Variants in GATA4 observed in about 807,000 individuals in gnomAD.
GATA4 encodes the protein transcription factor GATA-4.
A neutral mutation model predicts 37.9 loss-of-function variants in GATA4; 7 were observed. The observed-to-expected ratio is 0.18, with a 90% CI of 0.11 to 0.35. The LOEUF is 0.35. Ranked by LOEUF, GATA4 falls within the 10% of genes least tolerant of loss-of-function variation. The pLI, the probability that GATA4 is intolerant of heterozygous loss-of-function variation, is 1.00. For synonymous variants in GATA4, 372 were observed against 292.6 expected (o/e 1.27, Z -2.77); for missense variants, 647 against 653.0 (o/e 0.99, Z 0.10).
chr8:11,738,172 C>G (rs1399108899), intron 2 of GATA4, among the ~76,000 whole-genome samples: 2 of 136,846 alleles, frequency 1.5e-5, no homozygotes, highest in South Asian at 2.5e-4. Flanking sequence ...CAGAGCAAGA[C>G]TCTGTCTCAA....
intron 6 of GATA4, among the ~76,000 whole-genome samples, chr8:11,758,045 A>C (rs1255516903): frequency 6.6e-6 from 1 of 152,176 alleles, no homozygotes; most frequent in East Asian, 1.9e-4. Context: ...CAACCACAGT[A>C]TCCACAGGGC....
chr8:11,750,627 A>G (rs886919478), intron 4 of GATA4, among the ~76,000 whole-genome samples: 5 of 152,130 alleles, frequency 3.3e-5, no homozygotes, highest in African/African-American at 7.2e-5. Flanking sequence ...CATGTAAAAC[A>G]TCTTTGAAAT....
chr8:11,717,572 C>T (rs941483717), intron 2 of GATA4, among the ~76,000 whole-genome samples: 1 of 152,172 alleles, frequency 6.6e-6, no homozygotes, highest in Non-Finnish European at 1.5e-5. Context: ...TCCCCCTTTC[C>T]CCACACTTTG....
At chr8:11,696,883 C>G (rs918645524) in intron 1 of GATA4, among the ~76,000 whole-genome samples, 1 of 152,236 alleles carries the variant, frequency 6.6e-6, no homozygotes, top group Admixed American at 6.5e-5. Flanking sequence ...CCCACCAGCC[C>G]CTGAGCCTAC....
At chr8:11,705,638 G>A (rs187223226) in intron 1 of GATA4, among the ~76,000 whole-genome samples, 12 of 152,342 alleles carry the variant, frequency 7.9e-5, no homozygotes, top group African/African-American at 2.6e-4. Context: ...GCAGGATCCA[G>A]GCTCAATTTC....
At chr8:11,732,663 G>A (rs1343108235) in intron 2 of GATA4, among the ~76,000 whole-genome samples, 4 of 152,194 alleles carry the variant, frequency 2.6e-5, no homozygotes, top group South Asian at 2.1e-4. Context: ...AGGAGCCGAC[G>A]GAATTTGAGG....
intron 2 of GATA4, among the ~76,000 whole-genome samples, chr8:11,713,050 CA>C (rs1800269815): frequency 6.7e-6 from 1 of 148,912 alleles, no homozygotes; most frequent in South Asian, 2.2e-4. Context: ...AACAAGAGAA[CA>C]CTTTTTTTTT....
intron 2 of GATA4, among the ~76,000 whole-genome samples, chr8:11,720,024 A>G (rs1800597867): frequency 6.6e-6 from 1 of 152,054 alleles, no homozygotes; most frequent in Admixed American, 6.5e-5. Flanking sequence ...CTATTTGAAA[A>G]GGGGTGACCC....
intron 4 of GATA4, among the ~76,000 whole-genome samples, chr8:11,751,796 T>C (rs947086434): frequency 6.6e-5 from 10 of 152,202 alleles, no homozygotes; most frequent in African/African-American, 2.4e-4. Context: ...TGGCAAAAAT[T>C]AAAGTGTTTG....
At chr8:11,733,969 A>G (rs1469992412) in intron 2 of GATA4, among the ~76,000 whole-genome samples, 1 of 152,256 alleles carries the variant, frequency 6.6e-6, no homozygotes, top group East Asian at 1.9e-4. Flanking sequence ...CATGAACCAC[A>G]TAGAGGTTTT....
At chr8:11,744,161 C>T (rs959000595) in intron 2 of GATA4, among the ~76,000 whole-genome samples, 1 of 152,008 alleles carries the variant, frequency 6.6e-6, no homozygotes, top group Non-Finnish European at 1.5e-5. Context: ...CCCCAGTCTC[C>T]TAGCTCTTTT....
chr8:11,740,078 G>A (rs1462790804), intron 2 of GATA4, among the ~76,000 whole-genome samples: 1 of 152,202 alleles, frequency 6.6e-6, no homozygotes, highest in Non-Finnish European at 1.5e-5. Flanking sequence ...TTCAAGTGCT[G>A]ATCCCCAGCC....
At chr8:11,688,524 GCA>G (rs56159918), upstream of GATA4, among the ~76,000 whole-genome samples, 737 of 149,614 alleles carry the variant, frequency 4.9e-3, 3 homozygotes, top group South Asian at 0.018. Context: ...GTGCGCGCAT[GCA>G]CACACACACA....
At chr8:11,727,226 G>C (rs1001194729) in intron 2 of GATA4, among the ~76,000 whole-genome samples, 10 of 152,146 alleles carry the variant, frequency 6.6e-5, no homozygotes, top group African/African-American at 2.4e-4. Flanking sequence ...GGGGAATGTT[G>C]ATATTGAGTT....
At chr8:11,680,792 C>G in intron 1 of GATA4, 1 of 985,364 alleles carries the variant, frequency 1.0e-6, no homozygotes, top group Non-Finnish European at 1.2e-6. Context: ...TCACCCGCCC[C>G]TCGCCCTGCT....
chr8:11,705,715 G>A (rs1029727910), intron 1 of GATA4, among the ~76,000 whole-genome samples: 1 of 152,204 alleles, frequency 6.6e-6, no homozygotes, highest in African/African-American at 2.4e-5. Context: ...TTATAGAGGA[G>A]TATTTTCTCC....
chr8:11,705,829 T>C (rs1799867828), intron 1 of GATA4: 1 of 152,252 alleles, frequency 6.6e-6, no homozygotes, highest in Non-Finnish European at 1.5e-5. Flanking sequence ...TTTTTTGCAT[T>C]TACCTTTTAA....
intron 2 of GATA4, among the ~76,000 whole-genome samples, chr8:11,715,306 G>A (rs1205783885): frequency 6.6e-6 from 1 of 152,128 alleles, no homozygotes; most frequent in East Asian, 1.9e-4. Flanking sequence ...GGTAGAAAAG[G>A]GACTTTCACT....
chr8:11,706,742 C>T (rs1030610338), intron 1 of GATA4, among the ~76,000 whole-genome samples: 2 of 152,134 alleles, frequency 1.3e-5, no homozygotes, highest in Non-Finnish European at 2.9e-5. Context: ...CCCTGGAGCC[C>T]TACTGATCCC....
Sources: allele counts gnomAD v4.1 joint callset (sites outside exome capture counted in the v4.1 genomes callset), GRCh38; gene constraint gnomAD v4.1.1; transcripts MANE v1.5; gene names NCBI Gene and HGNC (gene_info 2026-07-23, HGNC 2026-07-21).